Variants in PPM1H observed in about 807,000 individuals in gnomAD.
PPM1H encodes protein phosphatase, Mg2+/Mn2+ dependent 1H.
PPM1H carries 27 observed loss-of-function variants against 54.9 expected under a neutral mutation model. The ratio of observed to expected loss-of-function variants is 0.49; its 90% CI spans 0.36 to 0.68. The LOEUF is 0.68. Ranked by LOEUF, PPM1H falls within the 30% of genes least tolerant of loss-of-function variation. PPM1H has a pLI of 0.00. For missense variants in PPM1H, 596 were observed against 667.8 expected (o/e 0.89, Z 1.19); for synonymous variants, 305 against 270.8 (o/e 1.13, Z -1.24).
At chr12:62,873,202 A>T (rs1054001101) in intron 1 of PPM1H, among the ~76,000 whole-genome samples, 1 of 152,218 alleles carries the variant, frequency 6.6e-6, no homozygotes, top group Non-Finnish European at 1.5e-5. Flanking sequence ...AAGACTAAGC[A>T]TTAGTACCTG....
intron 9 of PPM1H, among the ~76,000 whole-genome samples, chr12:62,658,212 T>TTTTTTA (rs768288538): frequency 3.8e-5 from 5 of 130,534 alleles, no homozygotes; most frequent in Non-Finnish European, 6.4e-5. Flanking sequence ...TTTTTTTTTT[T>TTTTTTA]AAGTAAAAAA....
chr12:62,836,600 T>C (rs1177086089), intron 1 of PPM1H, among the ~76,000 whole-genome samples: 2 of 152,216 alleles, frequency 1.3e-5, no homozygotes, highest in African/African-American at 2.4e-5. Flanking sequence ...CTGTACTTCA[T>C]GGATTAAATT....
rs932728958 is a variant in PPM1H at position 62,910,452 on chromosome 12, G to A, written c.245+24040C>T. Among the ~76,000 whole-genome samples, 4 of 152,046 alleles carry A rather than the reference G, an allele frequency of 2.6e-5. No individual in the cohort carries two copies. The South Asian group carries it at 8.3e-4, about 32-fold the overall frequency. On this transcript the variant is annotated intron_variant, in intron 1 of 9. Coordinates refer to ENST00000228705, the MANE Select transcript of PPM1H (RefSeq NM_020700.2). Reference sequence around the variant, plus strand: ...ATTGGCAGGAGGGCATTCAAAGAGAGAAAGATACTAATTCTTTGGACATTT... The same window carrying A: ...ATTGGCAGGAGGGCATTCAAAGAGAAAAAGATACTAATTCTTTGGACATTT...
At chr12:62,833,834 T>C (rs1232976828) in intron 1 of PPM1H, among the ~76,000 whole-genome samples, 1 of 152,196 alleles carries the variant, frequency 6.6e-6, no homozygotes, top group African/African-American at 2.4e-5. Flanking sequence ...AAATGCAAGT[T>C]GACATATTTT....
intron 9 of PPM1H, among the ~76,000 whole-genome samples, chr12:62,662,329 G>C (rs2075889006): frequency 6.6e-6 from 1 of 152,214 alleles, no homozygotes; most frequent in East Asian, 1.9e-4. Flanking sequence ...TACATAACAT[G>C]AAACTTGAAA....
intron 1 of PPM1H, among the ~76,000 whole-genome samples, chr12:62,838,346 G>C (rs1441288375): frequency 1.4e-5 from 2 of 140,936 alleles, no homozygotes; most frequent in South Asian, 2.5e-4. Flanking sequence ...TGTGGGGGGG[G>C]GGAGATGAAT....
chr12:62,664,343 G>A (rs1189953198), intron 9 of PPM1H, among the ~76,000 whole-genome samples: 20 of 151,996 alleles, frequency 1.3e-4, no homozygotes, highest in Admixed American at 1.3e-3. Flanking sequence ...TTCAGGCCCA[G>A]GTACTTTCTA....
intron 8 of PPM1H, among the ~76,000 whole-genome samples, chr12:62,676,397 G>C (rs570245163): frequency 6.6e-6 from 1 of 152,268 alleles, no homozygotes; most frequent in South Asian, 2.1e-4. Context: ...GGTGGGAGCT[G>C]GGAACAGGTG....
intron 3 of PPM1H, among the ~76,000 whole-genome samples, chr12:62,792,622 AT>A (rs1294489250): frequency 6.6e-6 from 1 of 152,176 alleles, no homozygotes; most frequent in Non-Finnish European, 1.5e-5. Context: ...CATAGACTTC[AT>A]CCCCCTGAAG....
intron 4 of PPM1H, among the ~76,000 whole-genome samples, chr12:62,785,410 C>T (rs2076665266): frequency 6.6e-6 from 1 of 152,186 alleles, no homozygotes; most frequent in South Asian, 2.1e-4. Context: ...ATCTCCTGAC[C>T]TCATGATCCG....
intron 2 of PPM1H, among the ~76,000 whole-genome samples, chr12:62,822,831 G>A (rs1215099513): frequency 1.3e-5 from 2 of 152,038 alleles, no homozygotes; most frequent in Non-Finnish European, 2.9e-5. Context: ...ACAATTAAAA[G>A]AACTAGAGAA....
At chr12:62,876,731 A>G (rs1056782390) in intron 1 of PPM1H, among the ~76,000 whole-genome samples, 6 of 152,172 alleles carry the variant, frequency 3.9e-5, no homozygotes, top group African/African-American at 1.4e-4. Flanking sequence ...GAGGCTTCCA[A>G]TGGGGGCTGA....
At chr12:62,650,109 C>G (rs1009180252) in intron 9 of PPM1H, among the ~76,000 whole-genome samples, 1 of 152,154 alleles carries the variant, frequency 6.6e-6, no homozygotes, top group Non-Finnish European at 1.5e-5. Flanking sequence ...AATTCACAGA[C>G]TTTCATGTTG....
intron 5 of PPM1H, among the ~76,000 whole-genome samples, chr12:62,727,637 ATATTAT>A (rs146320023): frequency 0.015 from 2,157 of 139,792 alleles, 50 homozygotes; most frequent in African/African-American, 0.048. Context: ...TAAAATGCAA[ATATTAT>A]TATTATTATT....
chr12:62,825,585 G>C (rs1215388532), intron 2 of PPM1H, among the ~76,000 whole-genome samples: 3 of 152,152 alleles, frequency 2.0e-5, no homozygotes, highest in Admixed American at 1.3e-4. Flanking sequence ...CCTTTGCAGG[G>C]ACATGGATGA....
intron 1 of PPM1H, among the ~76,000 whole-genome samples, chr12:62,889,523 A>G (rs909949598): frequency 6.6e-6 from 1 of 152,034 alleles, no homozygotes; most frequent in South Asian, 2.1e-4. Context: ...ATATAAAAAT[A>G]TAATGTAAAG....
rs1302642254 is a variant in PPM1H at position 62,934,129 on chromosome 12, A to G, written c.245+363T>C. The G allele has an allele frequency of 9.9e-6, 2 of 202,876 alleles. No individual in the cohort carries two copies. Among genetic ancestry groups the G allele is most frequent in the Non-Finnish European group, 2.0e-5 (2 of 101,194 alleles). The allele number at this position is 202,876 out of a possible 1,614,324, so 12.6% of individuals were successfully genotyped here. A position where few individuals can be genotyped will look rare whatever the true frequency, so the allele number is the denominator to read the frequency against. ...CTATATTTTGGGAGGGTGGGGGTAC[A>G]GATAGCAGATTTTCCTTATGTGTTT... is the stretch of plus-strand genomic sequence containing the variant. On this transcript the variant is annotated intron_variant, in intron 1 of 9. Transcript: ENST00000228705. The surrounding 1 kb of genome is among the most constrained non-coding windows in gnomAD (Gnocchi z 4.2).
chr12:62,829,121 C>G (rs953933953), intron 2 of PPM1H, among the ~76,000 whole-genome samples: 1 of 152,148 alleles, frequency 6.6e-6, no homozygotes, highest in Non-Finnish European at 1.5e-5. Flanking sequence ...GAATTGAAAG[C>G]AGGGACTCAA....
intron 6 of PPM1H, among the ~76,000 whole-genome samples, chr12:62,712,750 A>C (rs2076214396): frequency 6.6e-6 from 1 of 152,162 alleles, no homozygotes; most frequent in Admixed American, 6.5e-5. Flanking sequence ...CCAACACATA[A>C]ATTTGGGCCC....
Sources: gnomAD v4.1 joint callset for allele counts (sites outside exome capture counted in the v4.1 genomes callset) on GRCh38, gnomAD v4.1.1 for gene constraint, Gnocchi (gnomAD v3.1) non-coding constraint, MANE v1.5 for transcripts, NCBI Gene and HGNC (gene_info 2026-07-23, HGNC 2026-07-21) for gene names.